Variants in SYT16 observed in about 807,000 individuals in gnomAD.
SYT16 encodes synaptotagmin 16.
A neutral mutation model predicts 61.4 loss-of-function variants in SYT16; 42 were observed. That is an observed-to-expected ratio of 0.68 (90% confidence interval 0.53 to 0.89). SYT16 has a LOEUF of 0.89. Among genes scored for constraint, SYT16 ranks in the 40% least tolerant of loss-of-function variants. The pLI is 0.00. For synonymous variants in SYT16, 314 were observed against 302.3 expected, an observed-to-expected ratio of 1.04 and a Z score of -0.40; for missense variants, 804 against 807.3, an observed-to-expected ratio of 1.00 and a Z score of 0.05.
chr14:61,887,342 G>A (rs1188271574), intron 1 of SYT16, among the ~76,000 whole-genome samples: 1 of 152,198 alleles, frequency 6.6e-6, no homozygotes, highest in Non-Finnish European at 1.5e-5. Flanking sequence ...AGTACACTGA[G>A]CATAGTTCTT....
chr14:62,031,605 G>A (rs1368083121), intron 3 of SYT16, among the ~76,000 whole-genome samples: 2 of 152,158 alleles, frequency 1.3e-5, no homozygotes, highest in Non-Finnish European at 2.9e-5. Flanking sequence ...CCTCATTACT[G>A]TCGAGGAAAC....
chr14:61,884,835 T>A (rs1594826217), intron 1 of SYT16, among the ~76,000 whole-genome samples: 1 of 152,218 alleles, frequency 6.6e-6, no homozygotes, highest in Non-Finnish European at 1.5e-5. Flanking sequence ...TCCCACTGTT[T>A]GTAGGGCAGA....
intron 1 of SYT16, chr14:61,832,301 T>C (rs1198764036): frequency 1.7e-6 from 1 of 590,892 alleles, no homozygotes; most frequent in Non-Finnish European, 3.3e-6. Context: ...CATTTCCGTG[T>C]GCTCGTACAG....
intron 1 of SYT16, among the ~76,000 whole-genome samples, chr14:61,968,328 A>G (rs367546528): frequency 6.6e-6 from 1 of 152,044 alleles, no homozygotes; most frequent in Admixed American, 6.6e-5. Context: ...GAAGAAGATA[A>G]AGGGGTGTGG....
chr14:61,933,841 A>G (rs1242627110), intron 1 of SYT16, among the ~76,000 whole-genome samples: 1 of 152,246 alleles, frequency 6.6e-6, no homozygotes, highest in Non-Finnish European at 1.5e-5. Flanking sequence ...AATAGAAAAT[A>G]AGGAGGATAT....
At chr14:61,847,660 CTCTT>C (rs752158882) in intron 1 of SYT16, among the ~76,000 whole-genome samples, 1 of 152,154 alleles carries the variant, frequency 6.6e-6, no homozygotes, top group Non-Finnish European at 1.5e-5. Context: ...CCTTGTATCT[CTCTT>C]TCCATCTCCT....
In SYT16 at chr14:61,996,464, A is replaced by G; in HGVS notation, c.445A>G (p.Lys149Glu). The change falls in exon 3 of 8, where the codon AAG (lysine) becomes GAG (glutamate). Residue 149 changes from lysine (K) to glutamate (E), a missense_variant. Coordinates refer to ENST00000683842, the MANE Select transcript of SYT16 (RefSeq NM_001367656.1). ...SIAEEEHHLE[K>E]QRSGLQHGFD... is the part of the protein sequence containing the mutation. ...TGCGGAGGAAGAGCATCACCTTGAAAAGCAAAGAAGTGGCCTTCAACATGG... is the reference window on the plus strand; with the variant it reads ...TGCGGAGGAAGAGCATCACCTTGAAGAGCAAAGAAGTGGCCTTCAACATGG... 2 of 1,613,344 alleles carry G rather than the reference A, an allele frequency of 1.2e-6. No individual in the cohort carries two copies. Among genetic ancestry groups the G allele is most frequent in the Admixed American group, 3.3e-5 (2 of 59,960 alleles).
chr14:62,081,984 G>A (rs2056726021), intron 6 of SYT16, among the ~76,000 whole-genome samples: 1 of 152,234 alleles, frequency 6.6e-6, no homozygotes, highest in African/African-American at 2.4e-5. Flanking sequence ...AGCAGGCGAT[G>A]CCTCTGCCCT....
chr14:61,917,055 A>G (rs983290621), intron 1 of SYT16, among the ~76,000 whole-genome samples: 1 of 152,184 alleles, frequency 6.6e-6, no homozygotes. Flanking sequence ...AAACATGAGA[A>G]TGCAGATATC....
intron 1 of SYT16, chr14:61,831,981 G>A: frequency 1.6e-6 from 1 of 610,226 alleles, no homozygotes; most frequent in South Asian, 1.6e-5. Context: ...AAAGGTGTGC[G>A]GGATGGGGCC....
chr14:61,851,370 T>G (rs2046614992), intron 1 of SYT16, among the ~76,000 whole-genome samples: 1 of 152,226 alleles, frequency 6.6e-6, no homozygotes, highest in Non-Finnish European at 1.5e-5. Context: ...GCAATGAACA[T>G]ACGTATGCAG....
chr14:61,944,981 C>CT (rs1456579266), intron 1 of SYT16, among the ~76,000 whole-genome samples: 1 of 152,160 alleles, frequency 6.6e-6, no homozygotes. Flanking sequence ...TTTTTGCAAT[C>CT]TATCTGTCTG....
rs369291060 is a variant in SYT16 at position 62,081,107 on chromosome 14, C to T, written c.1267C>T (p.Leu423=). 8.7e-6 allele frequency: 14 copies of T among 1,613,812 alleles called. No individual in the cohort carries two copies. The African/African-American group carries it at 1.9e-4, about 22-fold the overall frequency. The change falls in exon 6 of 8, where the codon CTG becomes TTG. Residue 423 remains leucine, a synonymous_variant. Coordinates refer to ENST00000683842, the MANE Select transcript of SYT16 (RefSeq NM_001367656.1). ...CAGGGAGAAGGTCACCTTTGCCAAG[C>T]TGGAGCCCAGAGATGTGGCTGCCTG... ...VFREKVTFAK[L]EPRDVAACAV... is the part of the protein sequence containing the mutation.
At chr14:61,863,951 T>A (rs2047046383) in intron 1 of SYT16, among the ~76,000 whole-genome samples, 1 of 152,258 alleles carries the variant, frequency 6.6e-6, no homozygotes, top group Non-Finnish European at 1.5e-5. Context: ...CTTGGCCCTC[T>A]GTTTTATTCT....
intron 3 of SYT16, among the ~76,000 whole-genome samples, chr14:62,045,831 T>A (rs1249709168): frequency 6.6e-6 from 1 of 152,148 alleles, no homozygotes; most frequent in Non-Finnish European, 1.5e-5. Flanking sequence ...ATGTGCTACA[T>A]TTTCTTAATC....
intron 1 of SYT16, among the ~76,000 whole-genome samples, chr14:61,937,601 G>T (rs1197662019): frequency 6.6e-6 from 1 of 152,188 alleles, no homozygotes; most frequent in Non-Finnish European, 1.5e-5. Flanking sequence ...AGCCACTGTG[G>T]ATGGGCAGGA....
chr14:61,962,397 G>A lies in SYT16; in HGVS notation c.-324-7735G>A, dbSNP rs563911671. Among the ~76,000 whole-genome samples, 5 of 151,992 alleles carry A rather than the reference G, an allele frequency of 3.3e-5. No individual in the cohort carries two copies. The East Asian group carries it at 5.8e-4, about 18-fold the overall frequency. On this transcript the variant is annotated intron_variant, in intron 1 of 7. Transcript: ENST00000683842. ...AAATTATCTGATAGTCTGTTTGGGC[G>A]TCTCTTGAATGTGACATGTGGCTTT...
chr14:62,098,106 G>T (rs1166580736), intron 7 of SYT16, among the ~76,000 whole-genome samples: 2 of 152,210 alleles, frequency 1.3e-5, no homozygotes, highest in Non-Finnish European at 2.9e-5. Context: ...AACTGAAATA[G>T]AAAAAGATCA....
intron 3 of SYT16, among the ~76,000 whole-genome samples, chr14:62,025,924 T>G (rs150242895): frequency 6.6e-6 from 1 of 152,282 alleles, no homozygotes; most frequent in Non-Finnish European, 1.5e-5. Context: ...ATTTTTCTAT[T>G]GGATCAAATG....
Sources: allele counts gnomAD v4.1 joint callset (sites outside exome capture counted in the v4.1 genomes callset), GRCh38; gene constraint gnomAD v4.1.1; transcripts MANE v1.5; gene names NCBI Gene and HGNC (gene_info 2026-07-23, HGNC 2026-07-21).